Variants in GCNT1 observed in about 807,000 individuals in gnomAD.
GCNT1 encodes beta-1,3-galactosyl-O-glycosyl-glycoprotein beta-1,6-N-acetylglucosaminyltransferase.
A neutral mutation model predicts 26.2 loss-of-function variants in GCNT1; 16 were observed. That is an observed-to-expected ratio of 0.61 (90% confidence interval 0.41 to 0.93). GCNT1 has a LOEUF of 0.93. GCNT1 is among the 40% of genes least tolerant of loss of function. The pLI is 0.00. For missense variants in GCNT1, 477 were observed against 526.7 expected, an observed-to-expected ratio of 0.91 and a Z score of 0.92; for synonymous variants, 183 against 190.8, an observed-to-expected ratio of 0.96 and a Z score of 0.34.
intron 2 of GCNT1, among the ~76,000 whole-genome samples, chr9:76,479,588 G>A (rs970154270): frequency 3.9e-5 from 6 of 152,178 alleles, no homozygotes; most frequent in African/African-American, 1.4e-4. Flanking sequence ...TTGCAGTTTT[G>A]ATTTGCATTT....
At chr9:76,429,268 A>C (rs930034243) in intron 1 of GCNT1, among the ~76,000 whole-genome samples, 1 of 152,134 alleles carries the variant, frequency 6.6e-6, no homozygotes, top group Non-Finnish European at 1.5e-5. Flanking sequence ...TGCCATGAGC[A>C]TTCTTGTACC....
At chr9:76,394,356 C>G in the GCNT1 span, 4 of 523,486 alleles carry the variant, frequency 7.6e-6, no homozygotes, top group Non-Finnish European at 9.9e-6. Context: ...CGCCGCCGAC[C>G]CAACAAATAC....
rs377021693 is a variant in GCNT1, at chr9:76,502,391, A to G, written c.10A>G (p.Thr4Ala). 6.2e-7 allele frequency: 1 copy of G among 1,609,046 alleles called. No individual in the cohort carries two copies. Among genetic ancestry groups the G allele is most frequent in the African/African-American group, 1.3e-5 (1 of 74,704 alleles). Residue 4 changes from threonine (T) to alanine (A), a missense_variant, in exon 4 of 4, where the codon ACG (threonine) becomes GCG (alanine). By Grantham distance (58) the Thr-to-Ala change is moderately conservative. Coordinates refer to ENST00000376730, the MANE Select transcript of GCNT1 (RefSeq NM_001490.5). ...CTGATTATTGTTTGAAATGCTGAGGACGTTGCTGCGAAGGAGACTTTTTTC... is the reference window on the plus strand; with the variant it reads ...CTGATTATTGTTTGAAATGCTGAGGGCGTTGCTGCGAAGGAGACTTTTTTC... Reference protein sequence around the residue: MLRTLLRRRLFSYP... With the variant: MLRALLRRRLFSYP...
upstream of GCNT1, among the ~76,000 whole-genome samples, chr9:76,457,097 A>G (rs1041154406): frequency 6.6e-6 from 1 of 152,228 alleles, no homozygotes; most frequent in Non-Finnish European, 1.5e-5. Context: ...TAATTTATCT[A>G]TTTTTATTTT....
At chr9:76,433,904 T>C (rs1411150065) in intron 1 of GCNT1, among the ~76,000 whole-genome samples, 1 of 152,182 alleles carries the variant, frequency 6.6e-6, no homozygotes, top group Non-Finnish European at 1.5e-5. Flanking sequence ...CTCATATCCC[T>C]CAATTGTTGC....
the GCNT1 span, among the ~76,000 whole-genome samples, chr9:76,407,976 C>T: frequency 6.6e-6 from 1 of 152,096 alleles, no homozygotes; most frequent in Non-Finnish European, 1.5e-5. Flanking sequence ...AATCTTGTAT[C>T]CTGCAACCTT....
At chr9:76,494,954 CTCCCAACTCCAAAGAG>C (rs1214210063) in intron 2 of GCNT1, among the ~76,000 whole-genome samples, 5 of 152,200 alleles carry the variant, frequency 3.3e-5, no homozygotes, top group Admixed American at 1.3e-4. Context: ...CAAACCAACA[CTCCCAACTCCAAAGAG>C]TTGGGGGTTG....
Position 76,448,080 on chromosome 9 carries a change from G to A in GCNT1, c.-290+5765G>A, listed in dbSNP as rs533936384. 1.1e-4 allele frequency among the ~76,000 whole-genome samples: 17 copies of A among 152,282 alleles called. No individual in the cohort carries two copies. In the East Asian group the frequency reaches 2.1e-3, roughly 19 times the overall value. The stretch of plus-strand genomic sequence containing the variant: ...AGTTTATCATCACTGCAAACTCAGC[G>A]AGTCCAGATTTTGCTCAACACATGC... On this transcript the variant is annotated intron_variant, in intron 1 of 2. Coordinates refer to the GCNT1 transcript ENST00000442371.
intron 2 of GCNT1, among the ~76,000 whole-genome samples, chr9:76,467,182 A>G (rs1314351822): frequency 6.6e-6 from 1 of 152,140 alleles, no homozygotes; most frequent in African/African-American, 2.4e-5. Flanking sequence ...ATCTGGGACT[A>G]CAGGCACCCG....
intron 2 of GCNT1, among the ~76,000 whole-genome samples, chr9:76,465,014 C>G (rs369205732): frequency 6.6e-6 from 1 of 150,712 alleles, no homozygotes; most frequent in South Asian, 2.1e-4. Flanking sequence ...TGCTATGTTG[C>G]TCGGGCTGGA....
upstream of GCNT1, among the ~76,000 whole-genome samples, chr9:76,440,104 TAAAA>T (rs762535970): frequency 3.4e-3 from 429 of 124,362 alleles, 1 homozygote; most frequent in Non-Finnish European, 6.1e-3. Context: ...GTCGCAAAAA[TAAAA>T]AAAAAAAAAA....
At chr9:76,446,933 T>C (rs938395665) in intron 1 of GCNT1, among the ~76,000 whole-genome samples, 1 of 152,008 alleles carries the variant, frequency 6.6e-6, no homozygotes, top group African/African-American at 2.4e-5. Flanking sequence ...GACGGGCAGA[T>C]CACTCGAGTC....
In GCNT1 at chr9:76,503,751, A is replaced by C; in HGVS notation, c.*83A>C. The C allele has an allele frequency of 8.9e-7, 1 of 1,122,096 alleles. No individual in the cohort carries two copies. The highest frequency in any genetic ancestry group is 1.3e-6 in the Non-Finnish European group (1 of 748,158). 69.5% of individuals were successfully genotyped at this position (1,122,096 alleles called of 1,614,324 possible). On this transcript the variant is annotated 3_prime_UTR_variant, in exon 4 of 4. Coordinates refer to ENST00000376730, the MANE Select transcript of GCNT1 (RefSeq NM_001490.5). ...TTTCCCCTTCCTTGTCAGCATCGGG[A>C]AGATGGTATGAAGTCCTCTTTGGGG...
At chr9:76,409,764 G>C in the GCNT1 span, among the ~76,000 whole-genome samples, 2 of 151,918 alleles carry the variant, frequency 1.3e-5, no homozygotes, top group Non-Finnish European at 2.9e-5. Flanking sequence ...TTGATTTCTG[G>C]TCTAATTTTT....
intron 1 of GCNT1, among the ~76,000 whole-genome samples, chr9:76,423,403 C>G (rs1201740618): frequency 1.3e-5 from 2 of 152,228 alleles, no homozygotes; most frequent in Non-Finnish European, 2.9e-5. Context: ...CTTTGCCTTT[C>G]CCCCATGGGA....
At position 76,425,564 on chromosome 9, in the gene GCNT1, G is replaced by A. The variant is rs1405229573; in HGVS notation, n.38+5677G>A. Among the ~76,000 whole-genome samples, 10 of 152,224 alleles carry A rather than the reference G, an allele frequency of 6.6e-5. No homozygotes were observed. The East Asian group carries it at 1.9e-3, about 29-fold the overall frequency. Reference sequence around the variant, plus strand: ...AATACGTATTATTTACTCAAAATATGGACAACCAAGCTTATGTAACAGCCC... The same window carrying A: ...AATACGTATTATTTACTCAAAATATAGACAACCAAGCTTATGTAACAGCCC... On this transcript the variant is annotated intron_variant and non_coding_transcript_variant, in intron 1 of 3. Coordinates refer to the GCNT1 transcript ENST00000488136.
chr9:76,415,700 G>T (rs1034149786), upstream of GCNT1, among the ~76,000 whole-genome samples: 1 of 152,114 alleles, frequency 6.6e-6, no homozygotes, highest in African/African-American at 2.4e-5. Context: ...CAATGCCAAA[G>T]CACATGTGAA....
chr9:76,454,048 G>T (rs1170245762), intron 1 of GCNT1, among the ~76,000 whole-genome samples: 1 of 152,128 alleles, frequency 6.6e-6, no homozygotes, highest in Non-Finnish European at 1.5e-5. Context: ...AGGCAGAAAA[G>T]GGTTTTTCTT....
At chr9:76,429,548 G>A (rs1382054540) in intron 1 of GCNT1, among the ~76,000 whole-genome samples, 1 of 152,034 alleles carries the variant, frequency 6.6e-6, no homozygotes, top group Non-Finnish European at 1.5e-5. Flanking sequence ...GGTGATCTTG[G>A]CCAGGACTGG....
Sources: gnomAD v4.1 joint callset for allele counts (sites outside exome capture counted in the v4.1 genomes callset) on GRCh38, gnomAD v4.1.1 for gene constraint, MANE v1.5 for transcripts, NCBI Gene and HGNC (gene_info 2026-07-23, HGNC 2026-07-21) for gene names.